Variants in CAST observed in about 807,000 individuals in gnomAD.
The protein encoded by CAST is MIR583 host.
CAST carries 76 observed loss-of-function variants against 119.6 expected under a neutral mutation model. That is an observed-to-expected ratio of 0.64 (90% CI 0.53 to 0.77). The LOEUF is 0.77. CAST is among the 30% of genes least tolerant of loss of function. CAST has a pLI of 0.00. For missense variants in CAST, 953 were observed against 946.5 expected (o/e 1.01, Z -0.09); for synonymous variants, 319 against 331.6 (o/e 0.96, Z 0.41).
chr5:96,496,968 T>G, the CAST span, among the ~76,000 whole-genome samples: 5 of 151,770 alleles, frequency 3.3e-5, no homozygotes, highest in East Asian at 9.7e-4. Context: ...CAGTAACTCG[T>G]CATTTAACAT....
chr5:96,383,142 G>C, the CAST span, among the ~76,000 whole-genome samples: 42,046 of 152,038 alleles, frequency 0.28, 5,870 homozygotes, highest in East Asian at 0.32. Context: ...ACACATATAC[G>C]AGAGGTTCTG....
the CAST span, among the ~76,000 whole-genome samples, chr5:96,409,824 C>A: frequency 2.6e-5 from 4 of 152,194 alleles, no homozygotes; most frequent in Non-Finnish European, 5.9e-5. Context: ...GAGAAGCAGG[C>A]CCACACTTCT....
chr5:96,299,371 T>C, the CAST span, among the ~76,000 whole-genome samples: 1 of 151,992 alleles, frequency 6.6e-6, no homozygotes, highest in African/African-American at 2.4e-5. Flanking sequence ...AAGAAGGCAA[T>C]AGAAAAAGAC....
At chr5:96,074,343 A>G in the CAST span, among the ~76,000 whole-genome samples, 1 of 152,178 alleles carries the variant, frequency 6.6e-6, no homozygotes, top group African/African-American at 2.4e-5. Flanking sequence ...CTTGGGAGGT[A>G]ATTAGGTTTA....
In CAST at chr5:96,722,913, A is replaced by G. The variant is rs149028103; in HGVS notation, c.270+215A>G. On this transcript the variant is annotated intron_variant, in intron 4 of 31. Transcript: ENST00000675179. ...TCATCTACATGGTTTTAGGTTATCTAGAAAAGTAGAGTCACCTAGAGTTGT... is the reference window on the plus strand; with the variant it reads ...TCATCTACATGGTTTTAGGTTATCTGGAAAAGTAGAGTCACCTAGAGTTGT... Among the ~76,000 whole-genome samples, 566 of 152,168 alleles carry G rather than the reference A, an allele frequency of 3.7e-3. 10 individuals are homozygous for G. The highest frequency in any genetic ancestry group is 0.033 in the South Asian group (157 of 4,826).
chr5:96,462,349 G>A, the CAST span, among the ~76,000 whole-genome samples: 1,075 of 151,864 alleles, frequency 7.1e-3, 14 homozygotes, highest in Middle Eastern at 0.01. Context: ...TCTTGTATAA[G>A]CCACTAAACT....
At chr5:96,266,067 G>T in the CAST span, among the ~76,000 whole-genome samples, 1 of 152,106 alleles carries the variant, frequency 6.6e-6, no homozygotes, top group Non-Finnish European at 1.5e-5. Context: ...AAGCAAGCTG[G>T]CTTCACTTCT....
At chr5:96,016,829 G>GTTTTTT in the CAST span, among the ~76,000 whole-genome samples, 31 of 97,678 alleles carry the variant, frequency 3.2e-4, no homozygotes, top group South Asian at 3.8e-4. Context: ...GGTTATCTGG[G>GTTTTTT]TTTTTTTTTT....
chr5:96,683,018 T>C (rs894997129), intron 2 of CAST, among the ~76,000 whole-genome samples: 3 of 152,152 alleles, frequency 2.0e-5, no homozygotes, highest in Non-Finnish European at 4.4e-5. Flanking sequence ...AGATTTCTGC[T>C]TAGTTGGTTT....
In CAST at chr5:96,740,062, G is replaced by A. The variant is rs370953288; in HGVS notation, c.823G>A (p.Glu275Lys). 4.4e-6 allele frequency: 7 copies of A among 1,578,742 alleles called. No homozygotes were observed. The highest frequency in any genetic ancestry group is 1.8e-4 in the Middle Eastern group (1 of 5,426). Residue 275 changes from glutamate to lysine, a missense_variant, in exon 12 of 32, where the codon GAG becomes AAG. Physicochemically the swap from Glu to Lys is moderately conservative, Grantham distance 56. Coordinates refer to ENST00000675179, the MANE Select transcript of CAST (RefSeq NM_001750.7). ...GGATCCAATGAGTTCCACCTACATAGAGGAATTGGGTAAAAGAGAAGTCAC... is the reference window on the plus strand; with the variant it reads ...GGATCCAATGAGTTCCACCTACATAAAGGAATTGGGTAAAAGAGAAGTCAC... ...VSDPMSSTYIEELGKREVTIP... is the reference protein window; with the variant it reads ...VSDPMSSTYIKELGKREVTIP...
chr5:96,008,198 A>G, the CAST span, among the ~76,000 whole-genome samples: 6 of 152,190 alleles, frequency 3.9e-5, no homozygotes, highest in African/African-American at 1.4e-4. Flanking sequence ...CAACTTCTCC[A>G]GTTTTTTGAT....
chr5:96,127,964 AT>A, the CAST span, among the ~76,000 whole-genome samples: 1 of 152,086 alleles, frequency 6.6e-6, no homozygotes, highest in Non-Finnish European at 1.5e-5. Flanking sequence ...CTACAGATTA[AT>A]TTTTGTTGTG....
the CAST span, chr5:95,961,626 C>A: frequency 1.4e-5 from 22 of 1,608,938 alleles, no homozygotes; most frequent in East Asian, 5.0e-4. Flanking sequence ...CGGTGAGCTT[C>A]ACATGCAGTA....
the CAST span, among the ~76,000 whole-genome samples, chr5:96,118,164 G>A: frequency 0.013 from 1,923 of 152,130 alleles, 23 homozygotes; most frequent in Non-Finnish European, 0.019. Flanking sequence ...TTCAGACTTA[G>A]ACACTGAATC....
chr5:96,461,683 A>C, the CAST span, among the ~76,000 whole-genome samples: 1 of 152,074 alleles, frequency 6.6e-6, no homozygotes, highest in South Asian at 2.1e-4. Context: ...TTTAGACTAA[A>C]TTTACTAAAT....
the CAST span, among the ~76,000 whole-genome samples, chr5:95,979,905 G>A: frequency 1.3e-5 from 2 of 152,240 alleles, no homozygotes; most frequent in East Asian, 1.9e-4. Context: ...ATCACCTTGG[G>A]TCAGGAGTTT....
chr5:96,368,814 T>G, the CAST span, among the ~76,000 whole-genome samples: 2 of 152,266 alleles, frequency 1.3e-5, no homozygotes, highest in East Asian at 3.9e-4. Flanking sequence ...GAAATCTTGC[T>G]TGTCTAAAAA....
At chr5:96,257,347 A>G in the CAST span, among the ~76,000 whole-genome samples, 1 of 152,220 alleles carries the variant, frequency 6.6e-6, no homozygotes, top group Non-Finnish European at 1.5e-5. Flanking sequence ...GATCAAATGC[A>G]TTACAAATAA....
At chr5:96,091,568 C>T in the CAST span, among the ~76,000 whole-genome samples, 17 of 145,540 alleles carry the variant, frequency 1.2e-4, no homozygotes, top group African/African-American at 3.8e-4. Context: ...TGCAGTGGCA[C>T]GATCAGGGCT....
Sources: allele counts gnomAD v4.1 joint callset (sites outside exome capture counted in the v4.1 genomes callset), GRCh38; gene constraint gnomAD v4.1.1; transcripts MANE v1.5; gene names NCBI Gene and HGNC (gene_info 2026-07-23, HGNC 2026-07-21).